The following ADGRG7 variants were observed in gnomAD, a reference collection of about 807,000 sequenced individuals.
ADGRG7 encodes G-protein coupled receptor 128.
A neutral mutation model predicts 88.6 loss-of-function variants in ADGRG7; 82 were observed. The ratio of observed to expected loss-of-function variants is 0.93; its 90% CI spans 0.77 to 1.11. The LOEUF is 1.11. ADGRG7 is among the 50% of genes most tolerant of loss of function. The pLI, the probability that ADGRG7 is intolerant of heterozygous loss-of-function variation, is 0.00. For synonymous variants in ADGRG7, 381 were observed against 345.2 expected (o/e 1.10, Z -1.15); for missense variants, 945 against 953.4 (o/e 0.99, Z 0.12).
At chr3:100,679,304 A>G (rs962889970) in intron 15 of ADGRG7, among the ~76,000 whole-genome samples, 2 of 152,192 alleles carry the variant, frequency 1.3e-5, no homozygotes, top group Non-Finnish European at 2.9e-5. Flanking sequence ...CAAAGCCCAA[A>G]GGCTCTTCAG....
intron 15 of ADGRG7, among the ~76,000 whole-genome samples, chr3:100,680,895 C>G (rs2094972546): frequency 6.6e-6 from 1 of 152,122 alleles, no homozygotes; most frequent in Non-Finnish European, 1.5e-5. Flanking sequence ...TCTATGATTT[C>G]TAGTATTCTT....
Position 100,609,718 on chromosome 3 carries a change from A to G in ADGRG7, c.-139A>G. ...TTAGCCTCAAAAGTCCTAAAATACA[A>G]AGACATCCATCTGACAGATCACTGA... On this transcript the variant is annotated 5_prime_UTR_variant, in exon 1 of 16. Coordinates refer to ENST00000273352, the MANE Select transcript of ADGRG7 (RefSeq NM_032787.3). 1.7e-6 allele frequency: 1 copy of G among 603,250 alleles called. No individual in the cohort carries two copies. The highest frequency in any genetic ancestry group is 3.0e-6 in the Non-Finnish European group (1 of 333,220). 37.4% of individuals were successfully genotyped at this position (603,250 alleles called of 1,614,324 possible). A position where few individuals can be genotyped will look rare whatever the true frequency, so the allele number is the denominator to read the frequency against.
intron 15 of ADGRG7, among the ~76,000 whole-genome samples, chr3:100,675,500 A>T (rs1325604200): frequency 6.6e-6 from 1 of 152,062 alleles, no homozygotes; most frequent in Non-Finnish European, 1.5e-5. Flanking sequence ...GTTTTTTAGA[A>T]TTTTGTTGAG....
chr3:100,613,234 C>G (rs1200262810), intron 1 of ADGRG7, among the ~76,000 whole-genome samples: 1 of 152,140 alleles, frequency 6.6e-6, no homozygotes, highest in Admixed American at 6.5e-5. Context: ...TATGAAAGGT[C>G]AATGAGAGTT....
rs762809133 is a variant in ADGRG7, at chr3:100,654,937, G to A, written c.1482G>A (p.Lys494=). 1.2e-5 allele frequency: 19 copies of A among 1,613,798 alleles called. No individual in the cohort carries two copies. The South Asian group carries it at 1.4e-4, about 12-fold the overall frequency. The change falls in exon 12 of 16, where the codon AAG becomes AAA. Residue 494 remains lysine (K), a synonymous_variant. Coordinates refer to ENST00000273352, the MANE Select transcript of ADGRG7 (RefSeq NM_032787.3). ...TGTTTGGAATTGAAAACTCCAATAA[G>A]AACTTGCAGACAAGTGATGGTGACA... ...LFVFGIENSN[K]NLQTSDGDIN...
intron 6 of ADGRG7, among the ~76,000 whole-genome samples, chr3:100,637,803 C>A (rs1707570481): frequency 6.6e-6 from 1 of 152,226 alleles, no homozygotes; most frequent in African/African-American, 2.4e-5. Flanking sequence ...CTGCACCTCA[C>A]TTCTCTCTTT....
intron 15 of ADGRG7, among the ~76,000 whole-genome samples, chr3:100,688,475 T>C (rs1407731102): frequency 6.6e-6 from 1 of 152,206 alleles, no homozygotes; most frequent in Non-Finnish European, 1.5e-5. Context: ...TGTTAGGGTG[T>C]CCATTTTAGA....
At chr3:100,615,476 C>T (rs1263359860) in intron 1 of ADGRG7, among the ~76,000 whole-genome samples, 2 of 152,170 alleles carry the variant, frequency 1.3e-5, no homozygotes, top group Non-Finnish European at 2.9e-5. Context: ...TAGATATCCT[C>T]AACCAAGATG....
chr3:100,667,131 G>A (rs570964017), intron 14 of ADGRG7, among the ~76,000 whole-genome samples: 102 of 152,158 alleles, frequency 6.7e-4, no homozygotes, highest in African/African-American at 2.3e-3. Context: ...CTCTGCCACA[G>A]CCTCCCGAGT....
intron 1 of ADGRG7, among the ~76,000 whole-genome samples, chr3:100,623,136 A>G (rs1165260): frequency 0.32 from 48,310 of 151,732 alleles, 8,090 homozygotes; most frequent in African/African-American, 0.35. Flanking sequence ...ATTTTTTTCT[A>G]TTATTCTTAG....
At chr3:100,635,148 G>A (rs990513103) in intron 4 of ADGRG7, among the ~76,000 whole-genome samples, 3 of 151,864 alleles carry the variant, frequency 2.0e-5, no homozygotes, top group Admixed American at 1.3e-4. Context: ...AGGTCATCTC[G>A]GCCAGTGCCT....
At position 100,658,872 on chromosome 3, in the gene ADGRG7, T is replaced by A. The variant is rs7637207; in HGVS notation, c.1824-816T>A. 8.6e-3 allele frequency among the ~76,000 whole-genome samples: 1,308 copies of A among 152,336 alleles called. 14 individuals are homozygous for A. The highest frequency in any genetic ancestry group is 0.019 in the African/African-American group (780 of 41,570). ...CACTAAAGAAGGGATTTTTGTTTTGTCCGCTGCTGATACCTTGGTGTCTAA... is the reference window on the plus strand; with the variant it reads ...CACTAAAGAAGGGATTTTTGTTTTGACCGCTGCTGATACCTTGGTGTCTAA... On this transcript the variant is annotated intron_variant, in intron 13 of 15. Coordinates refer to ENST00000273352, the MANE Select transcript of ADGRG7 (RefSeq NM_032787.3).
chr3:100,659,159 G>A (rs1185956384), intron 13 of ADGRG7, among the ~76,000 whole-genome samples: 2 of 152,084 alleles, frequency 1.3e-5, no homozygotes, highest in Admixed American at 6.5e-5. Context: ...AAGGCTGGGT[G>A]CAGTGGCTCA....
chr3:100,687,086 G>C (rs1576340659), intron 15 of ADGRG7, among the ~76,000 whole-genome samples: 1 of 152,266 alleles, frequency 6.6e-6, no homozygotes, highest in East Asian at 1.9e-4. Context: ...TTCTTGAAGA[G>C]GTCCTTCACA....
At chr3:100,670,924 T>C (rs954133617) in intron 15 of ADGRG7, among the ~76,000 whole-genome samples, 8 of 152,146 alleles carry the variant, frequency 5.3e-5, no homozygotes, top group African/African-American at 1.9e-4. Context: ...TATTACATGG[T>C]GTATATGTGC....
At chr3:100,644,682 A>G (rs1004761524) in intron 8 of ADGRG7, among the ~76,000 whole-genome samples, 16 of 150,760 alleles carry the variant, frequency 1.1e-4, no homozygotes, top group African/African-American at 3.5e-4. Context: ...AGCCCTGCTA[A>G]TTAAAAAAAA....
intron 6 of ADGRG7, among the ~76,000 whole-genome samples, chr3:100,638,953 A>G (rs966971070): frequency 6.6e-6 from 1 of 151,882 alleles, no homozygotes; most frequent in Non-Finnish European, 1.5e-5. Flanking sequence ...AATTTAAAAA[A>G]TTATCTTACC....
intron 5 of ADGRG7, among the ~76,000 whole-genome samples, chr3:100,636,525 A>G (rs543961821): frequency 2.0e-4 from 30 of 152,214 alleles, no homozygotes; most frequent in Non-Finnish European, 3.5e-4. Flanking sequence ...GTATAGCTGG[A>G]TAGTGATCAA....
chr3:100,674,750 TG>T (rs1176433978), intron 15 of ADGRG7, among the ~76,000 whole-genome samples: 1 of 152,126 alleles, frequency 6.6e-6, no homozygotes, highest in Non-Finnish European at 1.5e-5. Flanking sequence ...GCTAATTTTT[TG>T]TATTTTTAGT....
Sources: allele counts gnomAD v4.1 joint callset (sites outside exome capture counted in the v4.1 genomes callset), GRCh38; gene constraint gnomAD v4.1.1; transcripts MANE v1.5; gene names NCBI Gene and HGNC (gene_info 2026-07-23, HGNC 2026-07-21).